The following XRCC4 variants were observed in gnomAD, a reference collection of about 807,000 sequenced individuals.
XRCC4 encodes X-ray repair cross complementing 4, also known as DNA repair protein XRCC4.
Under a neutral mutation model 39.1 loss-of-function variants are expected in XRCC4, and 28 were observed. The observed-to-expected ratio is 0.72, with a 90% CI of 0.53 to 0.98. The LOEUF is 0.98. XRCC4 is among the 50% of genes least tolerant of loss of function. The probability of loss-of-function intolerance (pLI) is 0.00; values close to 1 mark genes in which losing one functional copy is unlikely to be tolerated. For synonymous variants in XRCC4, 123 were observed against 126.4 expected, an observed-to-expected ratio of 0.97 and a Z score of 0.18; for missense variants, 350 against 376.4, an observed-to-expected ratio of 0.93 and a Z score of 0.58.
intron 3 of XRCC4, among the ~76,000 whole-genome samples, chr5:83,132,325 A>C (rs186321515): frequency 4.1e-4 from 62 of 150,816 alleles, no homozygotes; most frequent in African/African-American, 1.2e-3. Context: ...TTTTTCCTTC[A>C]TTTCAACTTC....
chr5:83,281,209 T>A (rs879621517), intron 7 of XRCC4, among the ~76,000 whole-genome samples: 27 of 152,240 alleles, frequency 1.8e-4, no homozygotes, highest in Admixed American at 1.8e-3. Flanking sequence ...GTCTCCTTCT[T>A]TCCATGCCTC....
At chr5:83,371,910 G>A in the XRCC4 span, among the ~76,000 whole-genome samples, 13 of 152,148 alleles carry the variant, frequency 8.5e-5, no homozygotes, top group African/African-American at 2.9e-4. Flanking sequence ...TTAAATCAAA[G>A]TTCTGATAAA....
At chr5:83,174,650 T>C (rs1199886869) in intron 3 of XRCC4, among the ~76,000 whole-genome samples, 1 of 152,216 alleles carries the variant, frequency 6.6e-6, no homozygotes, top group Non-Finnish European at 1.5e-5. Context: ...TGATTTCTTT[T>C]GGACTTAACT....
chr5:83,103,995 A>G (rs1406438795), intron 1 of XRCC4, among the ~76,000 whole-genome samples: 1 of 152,154 alleles, frequency 6.6e-6, no homozygotes, highest in Non-Finnish European at 1.5e-5. Flanking sequence ...CAACTGTAAA[A>G]TTCATTGAGT....
rs1303343716 is a variant in XRCC4, at chr5:83,265,404, A to G, written c.893+6727A>G. 2.0e-5 allele frequency among the ~76,000 whole-genome samples: 3 copies of G among 152,168 alleles called. No individual in the cohort carries two copies. The East Asian group carries it at 5.8e-4, about 29-fold the overall frequency. The stretch of plus-strand genomic sequence containing the variant: ...CATGGTGGTGGTTTTAAAACGAGAT[A>G]GGTTTTTATTAGCTTCACTCTATGT... On this transcript the variant is annotated intron_variant, in intron 7 of 7. Coordinates refer to ENST00000396027, the MANE Select transcript of XRCC4 (RefSeq NM_003401.5).
At chr5:83,123,715 T>C (rs775064103) in intron 3 of XRCC4, among the ~76,000 whole-genome samples, 1 of 152,100 alleles carries the variant, frequency 6.6e-6, no homozygotes, top group Non-Finnish European at 1.5e-5. Flanking sequence ...TTATGTTTGC[T>C]TTAGGGTTTA....
chr5:83,131,564 G>A (rs1361065103), intron 3 of XRCC4, among the ~76,000 whole-genome samples: 1 of 152,172 alleles, frequency 6.6e-6, no homozygotes, highest in Non-Finnish European at 1.5e-5. Flanking sequence ...GGGTGCTCCT[G>A]TATTGGGTGA....
intron 7 of XRCC4, among the ~76,000 whole-genome samples, chr5:83,332,852 G>A (rs910677487): frequency 1.3e-5 from 2 of 152,168 alleles, no homozygotes; most frequent in African/African-American, 4.8e-5. Flanking sequence ...CATTGGTGAA[G>A]AGCATGGAGG....
At chr5:83,174,353 A>G (rs758480906) in intron 3 of XRCC4, among the ~76,000 whole-genome samples, 2 of 152,102 alleles carry the variant, frequency 1.3e-5, no homozygotes, top group Non-Finnish European at 2.9e-5. Flanking sequence ...TTTTTTGAAG[A>G]GTCGTTTTGT....
intron 3 of XRCC4, among the ~76,000 whole-genome samples, chr5:83,194,885 A>G (rs368777713): frequency 1.4e-4 from 22 of 152,276 alleles, no homozygotes; most frequent in African/African-American, 4.3e-4. Flanking sequence ...TTACTGATCT[A>G]TAATGTGGAT....
intron 3 of XRCC4, among the ~76,000 whole-genome samples, chr5:83,171,245 A>G (rs1164351424): frequency 1.3e-5 from 2 of 152,118 alleles, no homozygotes; most frequent in East Asian, 3.9e-4. Flanking sequence ...TCTTGCTGAT[A>G]CTTTTGCAAA....
intron 7 of XRCC4, among the ~76,000 whole-genome samples, chr5:83,310,605 A>T (rs1232978131): frequency 6.6e-6 from 1 of 152,230 alleles, no homozygotes; most frequent in Non-Finnish European, 1.5e-5. Context: ...AGAGGAAGGC[A>T]TAATGCGATA....
intron 1 of XRCC4, among the ~76,000 whole-genome samples, chr5:83,082,242 A>C (rs951323839): frequency 6.6e-6 from 1 of 152,196 alleles, no homozygotes; most frequent in African/African-American, 2.4e-5. Context: ...CTTTTAAAAT[A>C]TAAATAAAAA....
chr5:83,365,101 G>A, the XRCC4 span, among the ~76,000 whole-genome samples: 1 of 152,176 alleles, frequency 6.6e-6, no homozygotes, highest in Non-Finnish European at 1.5e-5. Flanking sequence ...GTTGCACTCA[G>A]AGGCCATTCG....
At position 83,127,880 on chromosome 5, in the gene XRCC4, C is replaced by CT. The variant is rs59797411; in HGVS notation, c.315+16692dup. 5.7e-3 allele frequency among the ~76,000 whole-genome samples: 766 copies of CT among 134,098 alleles called. 4 individuals carry two copies. Among genetic ancestry groups the CT allele is most frequent in the African/African-American group, 0.015 (566 of 36,900 alleles). 88.0% of individuals were successfully genotyped at this position (134,098 alleles called of 152,430 possible). On this transcript the variant is annotated intron_variant, in intron 3 of 7. Transcript: ENST00000396027. ...CACTGGGTAGAGAATTCTAAGTTGACTTTTTTTTTTTTTTTCAGTACTTTA... is the reference window on the plus strand; with the variant it reads ...CACTGGGTAGAGAATTCTAAGTTGACTTTTTTTTTTTTTTTTCAGTACTTTA...
intron 6 of XRCC4, among the ~76,000 whole-genome samples, chr5:83,235,398 G>C (rs1271936878): frequency 6.7e-6 from 1 of 149,402 alleles, no homozygotes; most frequent in African/African-American, 2.5e-5. Flanking sequence ...AGGGATGCAA[G>C]GATGTTTCAA....
chr5:83,253,335 A>ATGGTTGGT (rs987582751), intron 6 of XRCC4, among the ~76,000 whole-genome samples: 6 of 152,116 alleles, frequency 3.9e-5, no homozygotes, highest in African/African-American at 1.4e-4. Context: ...GAAACCACTC[A>ATGGTTGGT]TGGTTGGTTG....
At chr5:83,262,452 C>CT (rs1753785622) in intron 7 of XRCC4, among the ~76,000 whole-genome samples, 1 of 152,018 alleles carries the variant, frequency 6.6e-6, no homozygotes, top group Admixed American at 6.6e-5. Context: ...CTGAGAACCA[C>CT]TTTTTTGGGG....
At chr5:83,166,665 T>G (rs1049254199) in intron 3 of XRCC4, among the ~76,000 whole-genome samples, 11 of 148,864 alleles carry the variant, frequency 7.4e-5, no homozygotes, top group African/African-American at 2.7e-4. Flanking sequence ...TGAGTAGAGA[T>G]AGGGTTTCAC....
Sources: allele counts gnomAD v4.1 joint callset (sites outside exome capture counted in the v4.1 genomes callset), GRCh38; gene constraint gnomAD v4.1.1; transcripts MANE v1.5; gene names NCBI Gene and HGNC (gene_info 2026-07-23, HGNC 2026-07-21).